PCDH15: variants seen among roughly 807,000 people sequenced by gnomAD.
PCDH15 encodes protocadherin-15.
Under a neutral mutation model 178.5 loss-of-function variants are expected in PCDH15, and 129 were observed. That is an observed-to-expected ratio of 0.72 (90% CI 0.63 to 0.84). PCDH15 has a LOEUF of 0.84. PCDH15 is among the 40% of genes least tolerant of loss of function. The pLI, the probability that PCDH15 is intolerant of heterozygous loss-of-function variation, is 0.00. For synonymous variants in PCDH15, 800 were observed against 732.0 expected (o/e 1.09, Z -1.50); for missense variants, 2,230 against 2,099.9 (o/e 1.06, Z -1.21).
intron 2 of PCDH15, among the ~76,000 whole-genome samples, chr10:54,596,245 T>C (rs1057422315): frequency 6.6e-6 from 1 of 152,100 alleles, no homozygotes; most frequent in Non-Finnish European, 1.5e-5. Flanking sequence ...AGGAAGCCCA[T>C]CAGACTAACA....
At chr10:55,084,318 TGG>T (rs1198214692) in intron 2 of PCDH15, among the ~76,000 whole-genome samples, 1 of 151,698 alleles carries the variant, frequency 6.6e-6, no homozygotes, top group African/African-American at 2.4e-5. Context: ...GAGCGTACAT[TGG>T]GGAGAGAACA....
At chr10:54,168,521 C>T (rs1409715136) in intron 13 of PCDH15, among the ~76,000 whole-genome samples, 7 of 152,214 alleles carry the variant, frequency 4.6e-5, no homozygotes, top group Non-Finnish European at 8.8e-5. Context: ...CCCCTCCTCA[C>T]ACCTGGTCGG....
chr10:55,001,156 C>T (rs1350898360), intron 2 of PCDH15, among the ~76,000 whole-genome samples: 6 of 152,146 alleles, frequency 3.9e-5, no homozygotes, highest in African/African-American at 1.2e-4. Context: ...CTGCTGAGAG[C>T]TGGGCATTCA....
chr10:55,352,886 G>A (rs565902602), intron 2 of PCDH15, among the ~76,000 whole-genome samples: 129 of 152,144 alleles, frequency 8.5e-4, no homozygotes, highest in African/African-American at 2.3e-3. Flanking sequence ...GATCCACTAC[G>A]GCTTTCTTAA....
intron 2 of PCDH15, among the ~76,000 whole-genome samples, chr10:54,911,737 A>G (rs1954822337): frequency 6.6e-6 from 1 of 152,138 alleles, no homozygotes; most frequent in Admixed American, 6.6e-5. Context: ...GAGAGCTCTC[A>G]TGAGATCTGG....
intron 18 of PCDH15, among the ~76,000 whole-genome samples, chr10:54,034,371 T>G (rs1273917487): frequency 6.6e-6 from 1 of 151,932 alleles, no homozygotes; most frequent in Admixed American, 6.6e-5. Flanking sequence ...TAGGTTCCAG[T>G]TTTATTTTAT....
intron 23 of PCDH15, among the ~76,000 whole-genome samples, chr10:53,957,203 C>T (rs765544451): frequency 2.0e-5 from 3 of 152,070 alleles, no homozygotes; most frequent in African/African-American, 4.8e-5. Flanking sequence ...TTAGACTTGC[C>T]GCAAGGGGCT....
chr10:54,343,916 T>C (rs912945117), intron 6 of PCDH15, among the ~76,000 whole-genome samples: 1 of 152,134 alleles, frequency 6.6e-6, no homozygotes, highest in Non-Finnish European at 1.5e-5. Flanking sequence ...AAAATAGTTA[T>C]GGTGAAGAAT....
chr10:55,385,993 G>T (rs1312320732), intron 2 of PCDH15, among the ~76,000 whole-genome samples: 1 of 151,056 alleles, frequency 6.6e-6, no homozygotes, highest in Non-Finnish European at 1.5e-5. Context: ...TAAAGTGGAG[G>T]GTAAAATATA....
chr10:54,257,116 G>A (rs1285919732), intron 8 of PCDH15, among the ~76,000 whole-genome samples: 3 of 151,990 alleles, frequency 2.0e-5, no homozygotes, highest in African/African-American at 7.3e-5. Context: ...TAGTGTGTAT[G>A]TATCTATAAC....
chr10:53,964,999 A>C (rs1357053405), intron 21 of PCDH15, among the ~76,000 whole-genome samples: 2 of 152,044 alleles, frequency 1.3e-5, no homozygotes, highest in East Asian at 3.9e-4. Context: ...ATCAGACTGC[A>C]TGTATTACAT....
intron 7 of PCDH15, among the ~76,000 whole-genome samples, chr10:54,322,888 G>A (rs10733926): frequency 1.8e-4 from 28 of 151,984 alleles, no homozygotes; most frequent in Admixed American, 5.3e-4. Flanking sequence ...AAAGAGCTTC[G>A]GCACACTAAA....
At chr10:55,416,609 G>T (rs1458009161) in intron 2 of PCDH15, among the ~76,000 whole-genome samples, 1 of 151,684 alleles carries the variant, frequency 6.6e-6, no homozygotes, top group Admixed American at 6.6e-5. Flanking sequence ...GCAATTTGAA[G>T]GATAAAGTTG....
intron 2 of PCDH15, among the ~76,000 whole-genome samples, chr10:55,150,666 C>A (rs565526575): frequency 3.8e-4 from 58 of 152,104 alleles, no homozygotes; most frequent in South Asian, 1.5e-3. Flanking sequence ...GTAATAATGA[C>A]AATGTCATGA....
chr10:54,818,795 A>G (rs12413805), intron 3 of PCDH15, among the ~76,000 whole-genome samples: 11,046 of 152,112 alleles, frequency 0.073, 500 homozygotes, highest in Non-Finnish European at 0.1. Context: ...AACACACAGA[A>G]TATGAGATAT....
chr10:55,107,185 G>A (rs760163561), intron 2 of PCDH15, among the ~76,000 whole-genome samples: 9 of 152,106 alleles, frequency 5.9e-5, no homozygotes, highest in Non-Finnish European at 1.0e-4. Flanking sequence ...CTTTCTATTG[G>A]TATACACTTA....
At chr10:54,659,532 C>A (rs2094458027) in intron 2 of PCDH15, among the ~76,000 whole-genome samples, 1 of 151,902 alleles carries the variant, frequency 6.6e-6, no homozygotes. Context: ...GTGGGTGGAT[C>A]ATTTGAGGTC....
chr10:54,908,175 T>C (rs549161725), intron 2 of PCDH15, among the ~76,000 whole-genome samples: 7 of 152,304 alleles, frequency 4.6e-5, no homozygotes, highest in Non-Finnish European at 8.8e-5. Context: ...GCTACATGCT[T>C]GGATCCCATG....
At chr10:53,807,191 C>G in intron 37 of PCDH15, 61 bp from the exon 38 acceptor site, 1 of 1,348,160 alleles carries the variant, frequency 7.4e-7, no homozygotes, top group Non-Finnish European at 1.0e-6. Context: ...GCAATGATTA[C>G]ATTGCCTGTG....
Sources: allele counts gnomAD v4.1 joint callset (sites outside exome capture counted in the v4.1 genomes callset), GRCh38; gene constraint gnomAD v4.1.1; transcripts MANE v1.5; gene names NCBI Gene and HGNC (gene_info 2026-07-23, HGNC 2026-07-21).